EIF2S3: variants seen among roughly 807,000 people sequenced by gnomAD.
EIF2S3 encodes the protein eukaryotic translation initiation factor 2 subunit 3.
In EIF2S3, 2 loss-of-function variants were observed where a neutral mutation model predicts 31.7. The observed-to-expected ratio is 0.06, with a 90% CI of 0.03 to 0.20. The LOEUF is 0.20. Among genes scored for constraint, EIF2S3 ranks in the 10% least tolerant of loss-of-function variants. EIF2S3 has a pLI of 1.00. For missense variants in EIF2S3, 96 were observed against 359.3 expected, an observed-to-expected ratio of 0.27 and a Z score of 5.92; for synonymous variants, 120 against 126.7, an observed-to-expected ratio of 0.95 and a Z score of 0.36.
intron 11 of EIF2S3, among the ~76,000 whole-genome samples, chrX:24,074,248 T>C (rs1602048983): frequency 1.8e-5 from 2 of 112,621 alleles, no homozygotes; most frequent in South Asian, 7.3e-4. Flanking sequence ...AGTTACTTTA[T>C]AGAATATTCC....
Position 24,078,607 on chromosome X carries a change from T to G in EIF2S3, c.*1822T>G, listed in dbSNP as rs1408611550. ...CTGATAATACAATTTGCTTTGCTTT[T>G]CTTAAATTTGCATTGAGATGGGATT... is the stretch of plus-strand genomic sequence containing the variant. On this transcript the variant is annotated 3_prime_UTR_variant, in exon 12 of 12. Coordinates refer to ENST00000253039, the MANE Select transcript of EIF2S3 (RefSeq NM_001415.4). Among the ~76,000 whole-genome samples the G allele has an allele frequency of 8.9e-6, 1 of 112,026 alleles. No individual in the cohort carries two copies. The highest frequency in any genetic ancestry group is 2.8e-4 in the East Asian group (1 of 3,589).
chrX:24,055,125 G>C (rs1298602941), intron 1 of EIF2S3, 88 bp downstream of exon 1: 1 of 1,046,292 alleles, frequency 9.6e-7, no homozygotes, highest in Admixed American at 2.3e-5. Context: ...GTCAGTGTCG[G>C]GAGCATGGGT....
chrX:24,061,564 CAAAAA>C (rs759724351), intron 5 of EIF2S3, among the ~76,000 whole-genome samples: 1 of 105,512 alleles, frequency 9.5e-6, no homozygotes, highest in Non-Finnish European at 1.9e-5. Context: ...GACTCAGTCT[CAAAAA>C]AAAAATTTTT....
chrX:24,069,376 CAAA>C (rs1161413795), intron 9 of EIF2S3, among the ~76,000 whole-genome samples: 4 of 43,994 alleles, frequency 9.1e-5, no homozygotes, highest in South Asian at 2.7e-3. Context: ...CACTCTGTCT[CAAA>C]AAAAAAAAAA....
intron 4 of EIF2S3, 72 bp downstream of exon 4, chrX:24,057,826 C>T: frequency 5.5e-6 from 6 of 1,088,648 alleles, no homozygotes; most frequent in Middle Eastern, 3.1e-4. Context: ...TTTGAAATAT[C>T]GAGGTGTTAA....
chrX:24,056,061 T>C lies in EIF2S3; in HGVS notation c.133+383T>C, dbSNP rs776870996. 7.9e-4 allele frequency among the ~76,000 whole-genome samples: 89 copies of C among 112,232 alleles called. 1 individual carries two copies. The highest frequency in any genetic ancestry group is 2.8e-3 in the African/African-American group (86 of 30,942). On this transcript the variant is annotated intron_variant, in intron 2 of 11. Coordinates refer to ENST00000253039, the MANE Select transcript of EIF2S3 (RefSeq NM_001415.4). ...CTGTGATTAAATAGAAGGTTTTTTTTCTTAATTGGCACCTAGAACTTTAGA... is the reference window on the plus strand; with the variant it reads ...CTGTGATTAAATAGAAGGTTTTTTTCCTTAATTGGCACCTAGAACTTTAGA...
chrX:24,072,768 A>G (rs942829992), intron 10 of EIF2S3, among the ~76,000 whole-genome samples: 2 of 111,133 alleles, frequency 1.8e-5, no homozygotes, highest in African/African-American at 6.5e-5. Context: ...CCTGGCCCAT[A>G]TTAACTCTTA....
At chrX:24,070,554 C>T (rs1351184894) in intron 9 of EIF2S3, among the ~76,000 whole-genome samples, 2 of 99,956 alleles carry the variant, frequency 2.0e-5, no homozygotes, top group East Asian at 3.4e-4. Flanking sequence ...GATTCTCCTG[C>T]GTTAGCCTCT....
intron 9 of EIF2S3, among the ~76,000 whole-genome samples, chrX:24,070,634 G>C (rs1379469311): frequency 2.8e-5 from 3 of 108,593 alleles, no homozygotes; most frequent in Non-Finnish European, 3.8e-5. Flanking sequence ...ATTGGGTTTT[G>C]CCATGTTGGC....
Position 24,062,428 on chromosome X carries a change from C to G in EIF2S3, c.491C>G (p.Ser164Cys). Residue 164 changes from serine to cysteine, a missense_variant, in exon 6 of 12, where the codon TCT becomes TGT. By Grantham distance (112) the Ser-to-Cys change is moderately radical. Around this residue, in one of 5 missense-constraint regions of EIF2S3, gnomAD observed 30 missense variants for 139.5 expected, o/e 0.22. Coordinates refer to ENST00000253039, the MANE Select transcript of EIF2S3 (RefSeq NM_001415.4). ...AALLLIAGNESCPQPQTSEHL... is the reference protein window; with the variant it reads ...AALLLIAGNECCPQPQTSEHL... ...CTTCATCAACTAGCTGGTAATGAATCTTGCCCTCAGCCTCAGACATCGGAA... is the reference window on the plus strand; with the variant it reads ...CTTCATCAACTAGCTGGTAATGAATGTTGCCCTCAGCCTCAGACATCGGAA... 8.3e-7 allele frequency: 1 copy of G among 1,198,282 alleles called. No individual in the cohort carries two copies. Among genetic ancestry groups the G allele is most frequent in the Non-Finnish European group, 1.1e-6 (1 of 891,907 alleles).
chrX:24,055,149 C>T, intron 1 of EIF2S3, 112 bp downstream of exon 1: 1 of 899,051 alleles, frequency 1.1e-6, no homozygotes, highest in Non-Finnish European at 1.6e-6. Context: ...GAGCCTGGGT[C>T]AGGAGGGAGA....
chrX:24,059,138 T>G (rs1930452519), intron 4 of EIF2S3, among the ~76,000 whole-genome samples: 1 of 112,411 alleles, frequency 8.9e-6, no homozygotes, highest in Non-Finnish European at 1.9e-5. Flanking sequence ...GGCTAGGTAG[T>G]AAATATTTTC....
chrX:24,060,339 A>G (rs751544031), intron 5 of EIF2S3, 157 bp downstream of exon 5: 1 of 437,116 alleles, frequency 2.3e-6, no homozygotes, highest in African/African-American at 2.4e-5. Context: ...CCTACCTATC[A>G]GCTATCACAA....
intron 5 of EIF2S3, chrX:24,060,538 C>T (rs1444584536): frequency 9.7e-6 from 2 of 205,733 alleles, no homozygotes; most frequent in Non-Finnish European, 1.8e-5. Context: ...GAACTGTCTA[C>T]TGTGGAAGTA....
At chrX:24,055,584 G>C (rs751161180) in intron 1 of EIF2S3, 31 bp from the exon 2 acceptor site, 66 of 1,190,543 alleles carry the variant, frequency 5.5e-5, no homozygotes, top group Non-Finnish European at 7.3e-5. Flanking sequence ...TTTGTTTTAC[G>C]TGCAGTGTTT....
intron 2 of EIF2S3, 29 bp from the exon 3 acceptor site, chrX:24,057,392 T>C: frequency 8.5e-7 from 1 of 1,177,992 alleles, no homozygotes; most frequent in Non-Finnish European, 1.1e-6. Context: ...TAAATACACA[T>C]GAATTAATTT....
chrX:24,070,929 T>TA (rs1269654240), intron 9 of EIF2S3, among the ~76,000 whole-genome samples: 7 of 111,613 alleles, frequency 6.3e-5, no homozygotes, highest in Non-Finnish European at 1.3e-4. Flanking sequence ...ACCAGGTCAG[T>TA]AATACTTACC....
chrX:24,056,973 C>T (rs1930413144), intron 2 of EIF2S3, among the ~76,000 whole-genome samples: 1 of 112,617 alleles, frequency 8.9e-6, no homozygotes, highest in African/African-American at 3.2e-5. Context: ...ATTGAAGTCA[C>T]TGTTGGTTTT....
At position 24,076,878 on chromosome X, in the gene EIF2S3, A is replaced by G. The variant is rs1930760058; in HGVS notation, c.*93A>G. The G allele has an allele frequency of 1.4e-6, 1 of 732,253 alleles. No individual in the cohort carries two copies. Among genetic ancestry groups the G allele is most frequent in the Non-Finnish European group, 1.9e-6 (1 of 517,235 alleles). The allele number at this position is 732,253 out of a possible 1,213,427, so 60.3% of individuals were successfully genotyped here. On this transcript the variant is annotated 3_prime_UTR_variant, in exon 12 of 12. Coordinates refer to ENST00000253039, the MANE Select transcript of EIF2S3 (RefSeq NM_001415.4). ...TTTATTTTCAAAGCAATATTGGGGA[A>G]TTGATTTCACAGTTCGTTACCTTAG...
Sources: allele counts gnomAD v4.1 joint callset (sites outside exome capture counted in the v4.1 genomes callset), GRCh38; gene constraint gnomAD v4.1.1; regional missense constraint gnomAD v4.1.1; transcripts MANE v1.5; gene names NCBI Gene and HGNC (gene_info 2026-07-23, HGNC 2026-07-21).